C8orf34: variants seen among roughly 807,000 people sequenced by gnomAD.
C8orf34 encodes the protein uncharacterized protein C8orf34.
In C8orf34, 65 loss-of-function variants were observed where a neutral mutation model predicts 68.3. The ratio of observed to expected loss-of-function variants is 0.95; its 90% CI spans 0.78 to 1.17. C8orf34 has a LOEUF of 1.17. Ranked by LOEUF, C8orf34 falls within the 50% of genes most tolerant of loss-of-function variation. The probability of loss-of-function intolerance (pLI) is 0.00; values close to 1 mark genes in which losing one functional copy is unlikely to be tolerated. For missense variants in C8orf34, 664 were observed against 655.4 expected (o/e 1.01, Z -0.14); for synonymous variants, 244 against 241.2 (o/e 1.01, Z -0.11).
chr8:68,643,385 GGT>G (rs1819069894), intron 8 of C8orf34, among the ~76,000 whole-genome samples: 1 of 152,142 alleles, frequency 6.6e-6, no homozygotes, highest in Admixed American at 6.5e-5. Context: ...GGGAATGTCT[GGT>G]TGTATTGTGT....
chr8:68,605,240 G>T (rs1225862028), intron 7 of C8orf34, among the ~76,000 whole-genome samples: 1 of 152,134 alleles, frequency 6.6e-6, no homozygotes, highest in Non-Finnish European at 1.5e-5. Context: ...AGCAACAGCA[G>T]CTCTCATTCA....
intron 12 of C8orf34, among the ~76,000 whole-genome samples, chr8:68,803,607 G>A (rs1341197618): frequency 1.3e-5 from 2 of 151,840 alleles, no homozygotes; most frequent in African/African-American, 2.4e-5. Flanking sequence ...AAATTTCTAC[G>A]ATAATCAAAT....
intron 7 of C8orf34, among the ~76,000 whole-genome samples, chr8:68,547,406 G>C (rs1236951420): frequency 6.6e-6 from 1 of 151,736 alleles, no homozygotes; most frequent in Admixed American, 6.6e-5. Flanking sequence ...TTCCCAAAAA[G>C]AAGACTTCCA....
chr8:68,816,853 C>CA (rs561903849), intron 13 of C8orf34, among the ~76,000 whole-genome samples: 68 of 151,864 alleles, frequency 4.5e-4, no homozygotes, highest in African/African-American at 1.5e-3. Flanking sequence ...ACCTAATAAC[C>CA]AAAAAAGAGA....
chr8:68,566,299 C>T (rs1836519), intron 7 of C8orf34, among the ~76,000 whole-genome samples: 31,814 of 152,078 alleles, frequency 0.21, 4,290 homozygotes, highest in African/African-American at 0.39. Flanking sequence ...TTTTCTGCTC[C>T]TCTCCCATCT....
At chr8:68,610,337 A>C (rs1331531764) in intron 7 of C8orf34, among the ~76,000 whole-genome samples, 2 of 152,164 alleles carry the variant, frequency 1.3e-5, no homozygotes, top group Non-Finnish European at 2.9e-5. Context: ...ACATGTACCA[A>C]GAGTTAGTGT....
At chr8:68,373,467 A>G (rs917783437) in intron 1 of C8orf34, among the ~76,000 whole-genome samples, 2 of 152,114 alleles carry the variant, frequency 1.3e-5, no homozygotes, top group Admixed American at 6.5e-5. Flanking sequence ...ATGATGATTG[A>G]ACCGGTTTGT....
At chr8:68,483,438 C>A (rs917909507) in intron 4 of C8orf34, among the ~76,000 whole-genome samples, 1 of 151,944 alleles carries the variant, frequency 6.6e-6, no homozygotes, top group Non-Finnish European at 1.5e-5. Context: ...CTCCCTGCAC[C>A]GTTATCTTCC....
intron 9 of C8orf34, among the ~76,000 whole-genome samples, 182 bp from the exon 10 acceptor site, chr8:68,721,179 T>C (rs1431977735): frequency 2.6e-5 from 4 of 151,982 alleles, no homozygotes; most frequent in African/African-American, 9.7e-5. Flanking sequence ...AAAATACTTA[T>C]CATTTTTCAC....
At chr8:68,469,932 TTGTGTGTG>T (rs34106520) in intron 4 of C8orf34, among the ~76,000 whole-genome samples, 6 of 148,986 alleles carry the variant, frequency 4.0e-5, no homozygotes, top group Non-Finnish European at 7.4e-5. Flanking sequence ...ATTTGGTATT[TTGTGTGTG>T]TGTGTGTGTG....
intron 1 of C8orf34, among the ~76,000 whole-genome samples, chr8:68,369,741 A>G (rs1468266266): frequency 6.6e-6 from 1 of 152,228 alleles, no homozygotes; most frequent in Non-Finnish European, 1.5e-5. Context: ...CATCTGGAGA[A>G]GCAGACAGGA....
intron 11 of C8orf34, among the ~76,000 whole-genome samples, chr8:68,779,180 AAC>A (rs10550333): frequency 0.12 from 16,091 of 138,694 alleles, 905 homozygotes; most frequent in Admixed American, 0.19. Flanking sequence ...CTGTCTCTGA[AAC>A]ACACACACAC....
At chr8:68,473,406 T>G (rs1255518681) in intron 4 of C8orf34, among the ~76,000 whole-genome samples, 1 of 152,152 alleles carries the variant, frequency 6.6e-6, no homozygotes, top group African/African-American at 2.4e-5. Flanking sequence ...GCTTTCCACT[T>G]GGCAGGTGCC....
chr8:68,336,064 G>A (rs1295378940), intron 1 of C8orf34, among the ~76,000 whole-genome samples: 1 of 152,092 alleles, frequency 6.6e-6, no homozygotes. Flanking sequence ...TCCAGCCTGG[G>A]CAACAGAGGG....
intron 7 of C8orf34, among the ~76,000 whole-genome samples, chr8:68,626,946 T>G (rs1175571146): frequency 6.6e-6 from 1 of 152,012 alleles, no homozygotes; most frequent in Non-Finnish European, 1.5e-5. Context: ...CAAGAAATAT[T>G]AAATATATAA....
chr8:68,575,086 TATTA>T (rs1816863827), intron 7 of C8orf34, among the ~76,000 whole-genome samples: 1 of 152,018 alleles, frequency 6.6e-6, no homozygotes, highest in South Asian at 2.1e-4. Context: ...GACATATCTA[TATTA>T]ATTATCCTAT....
chr8:68,527,919 G>A (rs144388146), intron 6 of C8orf34, among the ~76,000 whole-genome samples: 6 of 152,270 alleles, frequency 3.9e-5, no homozygotes, highest in African/African-American at 1.4e-4. Flanking sequence ...CTGTGGGGCT[G>A]GAGAAGAGGG....
At chr8:68,486,523 C>T (rs1316027847) in intron 4 of C8orf34, among the ~76,000 whole-genome samples, 1 of 151,976 alleles carries the variant, frequency 6.6e-6, no homozygotes, top group African/African-American at 2.4e-5. Flanking sequence ...AAGAATAAGC[C>T]CCAAATGTAC....
chr8:68,733,862 G>C (rs1401081528), intron 10 of C8orf34, among the ~76,000 whole-genome samples: 2 of 152,280 alleles, frequency 1.3e-5, no homozygotes, highest in African/African-American at 4.8e-5. Flanking sequence ...GGGAAAAAAG[G>C]AAGCTGAGTA....
Sources: gnomAD v4.1 joint callset for allele counts (sites outside exome capture counted in the v4.1 genomes callset) on GRCh38, gnomAD v4.1.1 for gene constraint, MANE v1.5 for transcripts, NCBI Gene and HGNC (gene_info 2026-07-23, HGNC 2026-07-21) for gene names.